Variants in PRKCZ observed in about 807,000 individuals in gnomAD.
PRKCZ encodes protein kinase C zeta, also known as protein kinase C zeta type.
PRKCZ carries 33 observed loss-of-function variants against 79.5 expected under a neutral mutation model. That is an observed-to-expected ratio of 0.41 (90% confidence interval 0.31 to 0.55). The LOEUF (loss-of-function observed/expected upper bound fraction) is 0.55, where lower values mean the gene tolerates loss of function less well. PRKCZ is among the 20% of genes least tolerant of loss of function. The pLI is 0.19. For missense variants in PRKCZ, 578 were observed against 813.5 expected (o/e 0.71, Z 3.52); for synonymous variants, 342 against 320.9 (o/e 1.07, Z -0.70).
intron 16 of PRKCZ, among the ~76,000 whole-genome samples, chr1:2,176,675 C>T (rs1338840553): frequency 6.6e-6 from 1 of 152,248 alleles, no homozygotes; most frequent in Non-Finnish European, 1.5e-5. Context: ...CCCAACTTTT[C>T]CAGGCAGCCT....
intron 16 of PRKCZ, among the ~76,000 whole-genome samples, chr1:2,181,040 C>T (rs113932390): frequency 3.3e-5 from 5 of 152,160 alleles, no homozygotes; most frequent in Non-Finnish European, 5.9e-5. Context: ...TGACCATGCT[C>T]TGCCATGCGG....
intron 16 of PRKCZ, chr1:2,181,897 G>A (rs1360421894): frequency 2.2e-6 from 1 of 456,462 alleles, no homozygotes; most frequent in East Asian, 7.0e-5. Context: ...CCACAATCCT[G>A]CTGTGCGCAC....
chr1:2,146,987 G>C (rs929854859), intron 7 of PRKCZ, among the ~76,000 whole-genome samples: 3 of 150,638 alleles, frequency 2.0e-5, no homozygotes, highest in Non-Finnish European at 4.4e-5. Flanking sequence ...ATCTATCCAC[G>C]ATCCATCCAT....
At chr1:2,050,749 C>G (rs1483461384) in intron 1 of PRKCZ, 48 bp downstream of exon 1, 351 of 190,996 alleles carry the variant, frequency 1.8e-3, no homozygotes, top group Non-Finnish European at 3.2e-3. Flanking sequence ...GCAGGGAGGG[C>G]GGGGAGGGCT....
At chr1:2,059,035 T>C (rs1028103246) in intron 3 of PRKCZ, among the ~76,000 whole-genome samples, 8 of 152,176 alleles carry the variant, frequency 5.3e-5, no homozygotes, top group African/African-American at 1.9e-4. Context: ...CCTGAAGCCA[T>C]CCTCTCATCT....
At chr1:2,071,712 G>A (rs1661604633) in intron 4 of PRKCZ, among the ~76,000 whole-genome samples, 1 of 152,228 alleles carries the variant, frequency 6.6e-6, no homozygotes, top group South Asian at 2.1e-4. Context: ...TGGTCGTGCT[G>A]CTGAGCCGGC....
chr1:2,084,535 C>T (rs1412975760), intron 4 of PRKCZ, among the ~76,000 whole-genome samples: 1 of 152,228 alleles, frequency 6.6e-6, no homozygotes, highest in Non-Finnish European at 1.5e-5. Context: ...GGCGTACCTG[C>T]GTCCGGCCCA....
intron 4 of PRKCZ, among the ~76,000 whole-genome samples, chr1:2,064,164 G>A (rs569235812): frequency 1.6e-3 from 243 of 152,298 alleles, no homozygotes; most frequent in African/African-American, 5.6e-3. Context: ...CCATTTCTGT[G>A]TCTTCTTTGG....
At chr1:2,180,243 T>C (rs1018839225) in intron 16 of PRKCZ, among the ~76,000 whole-genome samples, 1 of 152,118 alleles carries the variant, frequency 6.6e-6, no homozygotes, top group South Asian at 2.1e-4. Context: ...AGCTGGAGCC[T>C]TGAGTGGGTG....
intron 10 of PRKCZ, among the ~76,000 whole-genome samples, chr1:2,162,907 T>C (rs1682598743): frequency 6.6e-6 from 1 of 152,226 alleles, no homozygotes; most frequent in South Asian, 2.1e-4. Flanking sequence ...GTAACTTTCA[T>C]GGCTTCTGAG....
intron 10 of PRKCZ, among the ~76,000 whole-genome samples, chr1:2,162,315 A>T (rs1294783757): frequency 6.6e-6 from 1 of 152,180 alleles, no homozygotes; most frequent in Non-Finnish European, 1.5e-5. Context: ...TAGTTTTAGT[A>T]GAGACGGGGT....
At chr1:2,057,648 T>C (rs900741910) in intron 3 of PRKCZ, among the ~76,000 whole-genome samples, 1 of 152,098 alleles carries the variant, frequency 6.6e-6, no homozygotes, top group African/African-American at 2.4e-5. Flanking sequence ...GGAGGATCGC[T>C]TCAGCCTAGG....
chr1:2,102,175 C>G (rs907517751), intron 4 of PRKCZ, among the ~76,000 whole-genome samples: 8 of 151,892 alleles, frequency 5.3e-5, no homozygotes, highest in Admixed American at 1.3e-4. Context: ...GCCCCTGGTG[C>G]CTGCCTGGCC....
chr1:2,171,764 G>A (rs957938939), intron 11 of PRKCZ: 7 of 392,462 alleles, frequency 1.8e-5, no homozygotes, highest in Admixed American at 4.3e-5. Flanking sequence ...GGTCTTTCCC[G>A]CATGGAAGCT....
rs1326285077 is a variant in PRKCZ at position 2,099,428 on chromosome 1, C to T, written c.335-35834C>T. Among the ~76,000 whole-genome samples, 3 of 149,638 alleles carry T rather than the reference C, an allele frequency of 2.0e-5. No individual in the cohort carries two copies. The East Asian group carries it at 6.0e-4, about 30-fold the overall frequency. On this transcript the variant is annotated intron_variant, in intron 4 of 17. Transcript: ENST00000378567. ...GACCAGTGAAAGCAAAGCGGGCTCA[C>T]TGTGCAGACCAATGATTGACAGTTC...
intron 10 of PRKCZ, among the ~76,000 whole-genome samples, chr1:2,166,470 C>T (rs937952023): frequency 3.9e-5 from 6 of 152,180 alleles, no homozygotes; most frequent in Non-Finnish European, 8.8e-5. Context: ...TCCCGCCTCC[C>T]ATCTGGGCTC....
chr1:2,057,317 G>T (rs1239214992), intron 3 of PRKCZ, among the ~76,000 whole-genome samples: 1 of 152,186 alleles, frequency 6.6e-6, no homozygotes, highest in African/African-American at 2.4e-5. Context: ...TACTGCTGGG[G>T]GTCTGCAGGG....
chr1:2,054,441 T>A (rs1271287264), intron 1 of PRKCZ, among the ~76,000 whole-genome samples: 1 of 151,742 alleles, frequency 6.6e-6, no homozygotes, highest in Admixed American at 6.6e-5. Flanking sequence ...GGACCTCGGG[T>A]CCCTATCAGC....
At chr1:2,119,735 T>C (rs1318941887) in intron 4 of PRKCZ, among the ~76,000 whole-genome samples, 2 of 152,132 alleles carry the variant, frequency 1.3e-5, no homozygotes, top group African/African-American at 2.4e-5. Flanking sequence ...GTAGTCCCTT[T>C]AGTATTCCTT....
Sources: allele counts gnomAD v4.1 joint callset (sites outside exome capture counted in the v4.1 genomes callset), GRCh38; gene constraint gnomAD v4.1.1; transcripts MANE v1.5; gene names NCBI Gene and HGNC (gene_info 2026-07-23, HGNC 2026-07-21).